KIFAP3: variants seen among roughly 807,000 people sequenced by gnomAD.
KIFAP3 encodes kinesin-associated protein 3.
Under a neutral mutation model 106.5 loss-of-function variants are expected in KIFAP3, and 68 were observed. The observed-to-expected ratio is 0.64, with a 90% CI of 0.53 to 0.78. KIFAP3 has a LOEUF of 0.78. Among genes scored for constraint, KIFAP3 ranks in the 30% least tolerant of loss-of-function variants. KIFAP3 has a pLI of 0.00. For missense variants in KIFAP3, 780 were observed against 941.8 expected (o/e 0.83, Z 2.25); for synonymous variants, 320 against 311.5 (o/e 1.03, Z -0.29).
intron 19 of KIFAP3, among the ~76,000 whole-genome samples, chr1:169,944,052 G>A (rs892244465): frequency 2.6e-5 from 4 of 152,136 alleles, no homozygotes; most frequent in African/African-American, 9.7e-5. Context: ...TGTGGCTGGC[G>A]GCACCTTCTC....
chr1:170,017,867 G>A (rs1164542164), intron 9 of KIFAP3, among the ~76,000 whole-genome samples: 1 of 152,166 alleles, frequency 6.6e-6, no homozygotes, highest in African/African-American at 2.4e-5. Flanking sequence ...AAGAGGTTTA[G>A]GGCAATGAAG....
chr1:169,929,742 G>T (rs547360541), intron 19 of KIFAP3, among the ~76,000 whole-genome samples: 41 of 152,040 alleles, frequency 2.7e-4, no homozygotes, highest in African/African-American at 9.4e-4. Context: ...TATTCTTAAT[G>T]AATTCAAACT....
intron 3 of KIFAP3, 21 bp downstream of exon 3, chr1:170,046,691 G>T: frequency 6.9e-7 from 1 of 1,452,346 alleles, no homozygotes; most frequent in Non-Finnish European, 9.2e-7. Context: ...GCATTAGGAA[G>T]CCAGGAATTC....
At chr1:170,060,038 T>C (rs1671055909) in intron 1 of KIFAP3, among the ~76,000 whole-genome samples, 1 of 152,202 alleles carries the variant, frequency 6.6e-6, no homozygotes, top group South Asian at 2.1e-4. Flanking sequence ...GAGCTATTTA[T>C]GACAAACCCA....
chr1:169,975,084 A>G (rs1385158189), intron 16 of KIFAP3, among the ~76,000 whole-genome samples: 1 of 151,998 alleles, frequency 6.6e-6, no homozygotes, highest in Non-Finnish European at 1.5e-5. Flanking sequence ...TCTGTTTTTT[A>G]TTGTTGCATT....
At chr1:170,032,184 G>A (rs1669447603) in intron 7 of KIFAP3, 200 bp from the exon 8 acceptor site, 3 of 443,584 alleles carry the variant, frequency 6.8e-6, no homozygotes, top group Non-Finnish European at 1.2e-5. Flanking sequence ...GGATTCCCTG[G>A]GAGTCTTTGG....
At chr1:170,072,110 T>A (rs1191230344) in intron 1 of KIFAP3, among the ~76,000 whole-genome samples, 10 of 152,210 alleles carry the variant, frequency 6.6e-5, no homozygotes, top group Non-Finnish European at 1.3e-4. Flanking sequence ...AACTATTAAA[T>A]GAATGAACAA....
chr1:169,942,919 C>T (rs1353059763), intron 19 of KIFAP3, among the ~76,000 whole-genome samples: 1 of 110,586 alleles, frequency 9.0e-6, no homozygotes, highest in Non-Finnish European at 1.7e-5. Context: ...CGCCCCCCCC[C>T]ACCCCTTTAA....
intron 10 of KIFAP3, among the ~76,000 whole-genome samples, chr1:170,015,135 T>A (rs183865437): frequency 6.6e-6 from 1 of 152,234 alleles, no homozygotes; most frequent in South Asian, 2.1e-4. Context: ...GGGTATCACA[T>A]GAGTGATTTC....
At chr1:169,972,824 G>A (rs1346475395) in intron 16 of KIFAP3, among the ~76,000 whole-genome samples, 1 of 151,404 alleles carries the variant, frequency 6.6e-6, no homozygotes, top group Non-Finnish European at 1.5e-5. Flanking sequence ...GATGAAAATG[G>A]GTAAGGAAAA....
At chr1:169,978,213 A>T in intron 15 of KIFAP3, 30 bp from the exon 16 acceptor site, 1 of 1,398,932 alleles carries the variant, frequency 7.1e-7, no homozygotes, top group Non-Finnish European at 1.0e-6. Context: ...TCAAATAAAG[A>T]ATACTATGTT....
At chr1:169,993,996 T>A (rs1486812114) in intron 10 of KIFAP3, among the ~76,000 whole-genome samples, 1 of 152,240 alleles carries the variant, frequency 6.6e-6, no homozygotes, top group Non-Finnish European at 1.5e-5. Flanking sequence ...GCAAGGACTT[T>A]ATTCACTGCA....
At chr1:169,977,827 A>G (rs1666307595) in intron 16 of KIFAP3, among the ~76,000 whole-genome samples, 1 of 152,112 alleles carries the variant, frequency 6.6e-6, no homozygotes, top group African/African-American at 2.4e-5. Context: ...GTTAATAGAG[A>G]AGGAAGTTCT....
At chr1:169,928,966 C>T (rs1248434767) in intron 19 of KIFAP3, among the ~76,000 whole-genome samples, 2 of 151,944 alleles carry the variant, frequency 1.3e-5, no homozygotes, top group African/African-American at 2.4e-5. Flanking sequence ...ATATTTTCTC[C>T]TTGAAATTCT....
intron 10 of KIFAP3, among the ~76,000 whole-genome samples, chr1:170,013,130 C>T (rs756667318): frequency 9.2e-5 from 14 of 152,046 alleles, no homozygotes; most frequent in Non-Finnish European, 1.8e-4. Context: ...CAGGCCATCC[C>T]CAGAGCCTGC....
intron 8 of KIFAP3, among the ~76,000 whole-genome samples, chr1:170,027,288 G>T (rs1557847499): frequency 6.6e-6 from 1 of 151,932 alleles, no homozygotes; most frequent in Admixed American, 6.6e-5. Flanking sequence ...CCAAAGTGCT[G>T]GGATTACAGG....
At chr1:169,923,440 A>G (rs996941476) in intron 19 of KIFAP3, among the ~76,000 whole-genome samples, 1 of 152,340 alleles carries the variant, frequency 6.6e-6, no homozygotes, top group East Asian at 1.9e-4. Flanking sequence ...GCTAACAAGT[A>G]ATCATGTATC....
At chr1:170,010,773 A>C (rs528362122) in intron 10 of KIFAP3, among the ~76,000 whole-genome samples, 2 of 152,162 alleles carry the variant, frequency 1.3e-5, no homozygotes, top group South Asian at 4.1e-4. Flanking sequence ...TAAATATAAA[A>C]AAGATTTTTC....
intron 10 of KIFAP3, among the ~76,000 whole-genome samples, chr1:170,007,527 G>A (rs1274963046): frequency 6.6e-6 from 1 of 151,910 alleles, no homozygotes; most frequent in South Asian, 2.1e-4. Context: ...CAATTGCTAC[G>A]AAGAGAATAA....
Sources: gnomAD v4.1 joint callset for allele counts (sites outside exome capture counted in the v4.1 genomes callset) on GRCh38, gnomAD v4.1.1 for gene constraint, MANE v1.5 for transcripts, NCBI Gene and HGNC (gene_info 2026-07-23, HGNC 2026-07-21) for gene names.